Variants in IP6K1 observed in about 807,000 individuals in gnomAD.
IP6K1 encodes the protein ATP:1D-myo-inositol-hexakisphosphate phosphotransferase.
In IP6K1, 13 loss-of-function variants were observed where a neutral mutation model predicts 38.3. The ratio of observed to expected loss-of-function variants is 0.34; its 90% CI spans 0.22 to 0.54. IP6K1 has a LOEUF of 0.54. IP6K1 is among the 20% of genes least tolerant of loss of function. The probability of loss-of-function intolerance (pLI) is 0.92; values close to 1 mark genes in which losing one functional copy is unlikely to be tolerated. For synonymous variants in IP6K1, 212 were observed against 229.9 expected (o/e 0.92, Z 0.70); for missense variants, 397 against 599.8 (o/e 0.66, Z 3.53).
chr3:49,738,313 C>A lies in IP6K1; in HGVS notation c.333G>T (p.Glu111Asp). The change falls in exon 3 of 6, where the codon GAG becomes GAT. Residue 111 changes from glutamate (E) to aspartate (D), a missense_variant. Coordinates refer to ENST00000321599, the MANE Select transcript of IP6K1 (RefSeq NM_153273.4). ...TVEQDDTTER[E>D]QPRRKHSRRS... Reference sequence around the variant, plus strand: ...GGCGGGAGTGTTTGCGCCGAGGTTGCTCCCGTTCTGTTGTGTCATCCTGTT... The same window carrying A: ...GGCGGGAGTGTTTGCGCCGAGGTTGATCCCGTTCTGTTGTGTCATCCTGTT... The A allele has an allele frequency of 6.2e-7, 1 of 1,614,226 alleles. No homozygotes were observed. Among genetic ancestry groups the A allele is most frequent in the South Asian group, 1.1e-5 (1 of 91,088 alleles).
chr3:49,741,651 T>C (rs903503281), intron 2 of IP6K1, among the ~76,000 whole-genome samples: 1 of 152,228 alleles, frequency 6.6e-6, no homozygotes, highest in African/African-American at 2.4e-5. Context: ...CCAAACACTT[T>C]ATAAATGTAG....
intron 1 of IP6K1, among the ~76,000 whole-genome samples, chr3:49,762,931 C>G (rs750464570): frequency 2.6e-5 from 4 of 151,902 alleles, no homozygotes; most frequent in Admixed American, 6.6e-5. Flanking sequence ...ACAACCACGC[C>G]CAGCTAATTT....
chr3:49,765,953 G>A (rs557729462), intron 1 of IP6K1, among the ~76,000 whole-genome samples: 50 of 152,112 alleles, frequency 3.3e-4, no homozygotes, highest in African/African-American at 1.2e-3. Context: ...GAAGCGGGCA[G>A]ATGACGAGGT....
At chr3:49,767,152 A>T (rs2080919309) in intron 1 of IP6K1, among the ~76,000 whole-genome samples, 1 of 151,412 alleles carries the variant, frequency 6.6e-6, no homozygotes, top group African/African-American at 2.4e-5. Context: ...GGCTCATACC[A>T]GTAGTCTCGG....
intron 1 of IP6K1, among the ~76,000 whole-genome samples, chr3:49,768,085 T>C (rs2080927528): frequency 6.6e-6 from 1 of 151,226 alleles, no homozygotes; most frequent in African/African-American, 2.4e-5. Flanking sequence ...ATGAAGAAAT[T>C]GTAACACTTG....
At chr3:49,767,198 A>C (rs908993872) in intron 1 of IP6K1, among the ~76,000 whole-genome samples, 8 of 151,838 alleles carry the variant, frequency 5.3e-5, no homozygotes, top group African/African-American at 1.9e-4. Context: ...GCAGTCACTC[A>C]AGCCCAGGAG....
chr3:49,782,199 C>A (rs1355595777), intron 1 of IP6K1, among the ~76,000 whole-genome samples: 1 of 151,180 alleles, frequency 6.6e-6, no homozygotes, highest in Non-Finnish European at 1.5e-5. Flanking sequence ...GAGACGGAGT[C>A]TAGCTCTGTC....
chr3:49,778,779 C>A (rs558619606), intron 1 of IP6K1, among the ~76,000 whole-genome samples: 1 of 152,132 alleles, frequency 6.6e-6, no homozygotes, highest in Non-Finnish European at 1.5e-5. Context: ...TCACGCACCA[C>A]CACGCCTGGC....
chr3:49,738,049 G>C (rs2080630030), intron 3 of IP6K1, among the ~76,000 whole-genome samples, 163 bp downstream of exon 3: 1 of 152,156 alleles, frequency 6.6e-6, no homozygotes, highest in Admixed American at 6.5e-5. Context: ...AGGCACCACT[G>C]GGGTGATGTG....
intron 1 of IP6K1, among the ~76,000 whole-genome samples, chr3:49,781,278 G>A (rs1575331872): frequency 6.6e-6 from 1 of 152,144 alleles, no homozygotes; most frequent in Non-Finnish European, 1.5e-5. Flanking sequence ...GGCTAGGCTG[G>A]TCTCGAACTC....
chr3:49,760,693 T>C (rs146601862), intron 1 of IP6K1, among the ~76,000 whole-genome samples: 1,805 of 151,682 alleles, frequency 0.012, 14 homozygotes, highest in Non-Finnish European at 0.021. Context: ...CATCATTCCT[T>C]AAGAGCAGTT....
Position 49,724,984 on chromosome 3 carries a change from G to A in IP6K1, c.*2138C>T. The A allele has an allele frequency of 6.5e-6, 1 of 152,944 alleles. No homozygotes were observed. Among genetic ancestry groups the A allele is most frequent in the African/African-American group, 2.4e-5 (1 of 41,574 alleles). The allele number at this position is 152,944 out of a possible 1,614,324, so 9.5% of individuals were successfully genotyped here. On this transcript the variant is annotated 3_prime_UTR_variant, in exon 6 of 6. Coordinates refer to ENST00000321599, the MANE Select transcript of IP6K1 (RefSeq NM_153273.4). ...GGGCCTGGCAGGGACAGGGCTCTCT[G>A]GCATGGGGCAGGGAGAAAGCAGTGG...
intron 1 of IP6K1, among the ~76,000 whole-genome samples, chr3:49,757,112 G>A (rs2080830396): frequency 6.6e-6 from 1 of 152,204 alleles, no homozygotes; most frequent in African/African-American, 2.4e-5. Flanking sequence ...CTGCTCACAT[G>A]TGAAATGATG....
intron 1 of IP6K1, 161 bp downstream of exon 1, chr3:49,786,193 C>T (rs1195582749): frequency 6.6e-6 from 1 of 152,298 alleles, no homozygotes; most frequent in Non-Finnish European, 1.5e-5. Flanking sequence ...GTGCCAGCAT[C>T]TGGGAGGCTC....
At chr3:49,761,531 G>A (rs1188744952) in intron 1 of IP6K1, among the ~76,000 whole-genome samples, 3 of 146,124 alleles carry the variant, frequency 2.1e-5, no homozygotes, top group South Asian at 2.2e-4. Flanking sequence ...GGAGAATGGC[G>A]TGAACCCGGG....
At chr3:49,784,905 A>T (rs2081098149) in intron 1 of IP6K1, among the ~76,000 whole-genome samples, 1 of 152,192 alleles carries the variant, frequency 6.6e-6, no homozygotes, top group Non-Finnish European at 1.5e-5. Context: ...AGATGGCACC[A>T]CTGTACTCCA....
At chr3:49,731,996 G>A (rs1336402652) in intron 4 of IP6K1, among the ~76,000 whole-genome samples, 1 of 151,956 alleles carries the variant, frequency 6.6e-6, no homozygotes, top group African/African-American at 2.4e-5. Flanking sequence ...GAATGTAGTG[G>A]TGCAATCATG....
intron 1 of IP6K1, among the ~76,000 whole-genome samples, chr3:49,783,671 C>T (rs1192778043): frequency 3.3e-5 from 5 of 150,798 alleles, no homozygotes; most frequent in Non-Finnish European, 7.4e-5. Context: ...CAAGACCATG[C>T]CACTGCACTC....
intron 1 of IP6K1, among the ~76,000 whole-genome samples, chr3:49,757,875 T>G (rs1264542020): frequency 6.6e-6 from 1 of 152,170 alleles, no homozygotes; most frequent in African/African-American, 2.4e-5. Flanking sequence ...ATTAGCAATA[T>G]TCACATGTGT....
Sources: gnomAD v4.1 joint callset for allele counts (sites outside exome capture counted in the v4.1 genomes callset) on GRCh38, gnomAD v4.1.1 for gene constraint, MANE v1.5 for transcripts, NCBI Gene and HGNC (gene_info 2026-07-23, HGNC 2026-07-21) for gene names.